Variants in PPARGC1A observed in about 807,000 individuals in gnomAD.
PPARGC1A encodes the protein PPARG coactivator 1 alpha.
A neutral mutation model predicts 88.7 loss-of-function variants in PPARGC1A; 25 were observed. That is an observed-to-expected ratio of 0.28 (90% CI 0.21 to 0.39). The LOEUF (loss-of-function observed/expected upper bound fraction) is 0.39. PPARGC1A is among the 10% of genes least tolerant of loss of function. The pLI is 1.00. For synonymous variants in PPARGC1A, 363 were observed against 355.6 expected, an observed-to-expected ratio of 1.02 and a Z score of -0.24; for missense variants, 880 against 968.7, an observed-to-expected ratio of 0.91 and a Z score of 1.22.
chr4:23,864,855 C>T (rs1393593076), intron 2 of PPARGC1A, among the ~76,000 whole-genome samples: 1 of 152,192 alleles, frequency 6.6e-6, no homozygotes, highest in Non-Finnish European at 1.5e-5. Context: ...CAGCAGACGG[C>T]AGTTGCAATT....
At chr4:24,271,194 G>T in the PPARGC1A span, among the ~76,000 whole-genome samples, 1 of 152,128 alleles carries the variant, frequency 6.6e-6, no homozygotes, top group Admixed American at 6.5e-5. Flanking sequence ...GCATGCAGGG[G>T]TCTACTGCTC....
chr4:24,410,497 T>A, the PPARGC1A span, among the ~76,000 whole-genome samples: 4 of 152,222 alleles, frequency 2.6e-5, no homozygotes, highest in Non-Finnish European at 4.4e-5. Context: ...TTATATTTAT[T>A]AATGCTTGTG....
At chr4:24,326,641 C>T in the PPARGC1A span, among the ~76,000 whole-genome samples, 2 of 152,170 alleles carry the variant, frequency 1.3e-5, no homozygotes, top group Admixed American at 1.3e-4. Context: ...TTACCTATCT[C>T]GGCATAATTC....
At chr4:24,432,163 G>A in the PPARGC1A span, among the ~76,000 whole-genome samples, 35 of 152,314 alleles carry the variant, frequency 2.3e-4, no homozygotes, top group African/African-American at 7.5e-4. Flanking sequence ...GAAGTTAAAA[G>A]AGGGGGAAAG....
the PPARGC1A span, among the ~76,000 whole-genome samples, chr4:24,334,806 T>G: frequency 6.6e-6 from 1 of 152,266 alleles, no homozygotes; most frequent in African/African-American, 2.4e-5. Flanking sequence ...ATGTGATACA[T>G]AGTTATGTTG....
At chr4:24,465,786 G>A in the PPARGC1A span, among the ~76,000 whole-genome samples, 1 of 152,156 alleles carries the variant, frequency 6.6e-6, no homozygotes, top group African/African-American at 2.4e-5. Context: ...GTTCATGATG[G>A]ACATAAATGT....
chr4:24,324,168 C>T, the PPARGC1A span, among the ~76,000 whole-genome samples: 2 of 152,282 alleles, frequency 1.3e-5, no homozygotes, highest in African/African-American at 2.4e-5. Flanking sequence ...TCACCCTTAG[C>T]GGCAAGTCCT....
At chr4:24,002,434 C>G in the PPARGC1A span, among the ~76,000 whole-genome samples, 1 of 152,194 alleles carries the variant, frequency 6.6e-6, no homozygotes, top group South Asian at 2.1e-4. Context: ...CCACACCTCT[C>G]TATGCTTTAA....
At chr4:23,890,734 G>C (rs550044705), upstream of PPARGC1A, among the ~76,000 whole-genome samples, 1 of 150,940 alleles carries the variant, frequency 6.6e-6, no homozygotes, top group African/African-American at 2.4e-5. Context: ...CTCCCGAAGA[G>C]TTGCTGCAGT....
At chr4:23,876,854 G>A (rs1714796879) in intron 2 of PPARGC1A, among the ~76,000 whole-genome samples, 1 of 152,024 alleles carries the variant, frequency 6.6e-6, no homozygotes, top group African/African-American at 2.4e-5. Context: ...TTTAAGTCAG[G>A]CCAAGTCATT....
At chr4:24,052,963 A>G in the PPARGC1A span, among the ~76,000 whole-genome samples, 1 of 134,330 alleles carries the variant, frequency 7.4e-6, no homozygotes, top group African/African-American at 2.8e-5. Context: ...TCCCGGGTTC[A>G]TGCCATTCTC....
At chr4:24,167,304 AT>A in the PPARGC1A span, among the ~76,000 whole-genome samples, 6 of 152,238 alleles carry the variant, frequency 3.9e-5, no homozygotes, top group African/African-American at 1.4e-4. Context: ...TCAAACTTTC[AT>A]GGATGAAGAG....
At chr4:23,998,775 A>G in the PPARGC1A span, among the ~76,000 whole-genome samples, 8 of 152,226 alleles carry the variant, frequency 5.3e-5, no homozygotes, top group Non-Finnish European at 1.0e-4. Flanking sequence ...CCTTCAGAAT[A>G]TAAAAAGCCA....
At chr4:23,866,012 TTGA>T (rs937667875) in intron 2 of PPARGC1A, 4 of 152,158 alleles carry the variant, frequency 2.6e-5, no homozygotes, top group Admixed American at 2.0e-4. Context: ...TGAATAATAG[TTGA>T]TGAAGTTGTT....
chr4:24,072,119 T>C, the PPARGC1A span, among the ~76,000 whole-genome samples: 1 of 147,688 alleles, frequency 6.8e-6, no homozygotes, highest in Admixed American at 6.8e-5. Flanking sequence ...CATTTAAATA[T>C]ATATATATAT....
chr4:24,073,362 C>A, the PPARGC1A span, among the ~76,000 whole-genome samples: 1 of 152,146 alleles, frequency 6.6e-6, no homozygotes, highest in Non-Finnish European at 1.5e-5. Context: ...TAATCTACAG[C>A]CCCTCTGCAC....
At chr4:24,089,510 C>T in the PPARGC1A span, among the ~76,000 whole-genome samples, 4,171 of 33,478 alleles carry the variant, frequency 0.12, 325 homozygotes, top group African/African-American at 0.22. Flanking sequence ...CTTTTCTTTT[C>T]TTTCTTTTTT....
At chr4:24,364,982 T>C in the PPARGC1A span, among the ~76,000 whole-genome samples, 15 of 152,102 alleles carry the variant, frequency 9.9e-5, no homozygotes, top group Non-Finnish European at 2.1e-4. Flanking sequence ...TACCCACATA[T>C]GCAAGGAGAC....
chr4:24,153,768 G>C, the PPARGC1A span, among the ~76,000 whole-genome samples: 1 of 152,152 alleles, frequency 6.6e-6, no homozygotes, highest in African/African-American at 2.4e-5. Flanking sequence ...GGTGTGATCT[G>C]ATTTTTGTTG....
Sources: allele counts gnomAD v4.1 joint callset (sites outside exome capture counted in the v4.1 genomes callset), GRCh38; gene constraint gnomAD v4.1.1; transcripts MANE v1.5; gene names NCBI Gene and HGNC (gene_info 2026-07-23, HGNC 2026-07-21).